ISG20: variants seen among roughly 807,000 people sequenced by gnomAD.
The protein encoded by ISG20 is interferon stimulated exonuclease gene 20.
Under a neutral mutation model 11.1 loss-of-function variants are expected in ISG20, and 8 were observed. The observed-to-expected ratio is 0.72, with a 90% CI of 0.42 to 1.30. The LOEUF (loss-of-function observed/expected upper bound fraction) is 1.30, where lower values mean the gene tolerates loss of function less well. Ranked by LOEUF, ISG20 falls within the 50% of genes most tolerant of loss-of-function variation. The probability of loss-of-function intolerance (pLI) is 0.01; values close to 1 mark genes in which losing one functional copy is unlikely to be tolerated. For synonymous variants in ISG20, 110 were observed against 101.7 expected, an observed-to-expected ratio of 1.08 and a Z score of -0.49; for missense variants, 243 against 250.2, an observed-to-expected ratio of 0.97 and a Z score of 0.19.
chr15:88,636,639 A>G (rs966583471), upstream of ISG20, among the ~76,000 whole-genome samples: 3 of 152,158 alleles, frequency 2.0e-5, no homozygotes, highest in South Asian at 2.1e-4. Flanking sequence ...CCTGGGTGCA[A>G]TTGATCCTCC....
Position 88,655,601 on chromosome 15 carries a change from T to G in ISG20, c.*70T>G. ...TTTGGGACAGCAACTACCTTGCTTT[T>G]GGAAAATACATTTTTAATAGTAAAG... On this transcript the variant is annotated 3_prime_UTR_variant, in exon 4 of 4. Transcript: ENST00000306072. 2 of 1,060,470 alleles carry G rather than the reference T, an allele frequency of 1.9e-6. No individual in the cohort carries two copies. The highest frequency in any genetic ancestry group is 2.8e-6 in the Non-Finnish European group (2 of 710,476). 65.7% of individuals were successfully genotyped at this position (1,060,470 alleles called of 1,614,324 possible).
At chr15:88,646,285 C>A (rs1336339289) in intron 2 of ISG20, among the ~76,000 whole-genome samples, 2 of 152,206 alleles carry the variant, frequency 1.3e-5, no homozygotes, top group East Asian at 3.9e-4. Flanking sequence ...CTCCCCACCA[C>A]AACCCTGAAC....
At position 88,651,688 on chromosome 15, in the gene ISG20, C is replaced by T. The variant is rs559639164; in HGVS notation, c.229-422C>T. 1.9e-4 allele frequency: 140 copies of T among 729,530 alleles called. 1 individual carries two copies. The African/African-American group carries it at 2.2e-3, about 11-fold the overall frequency. The allele number at this position is 729,530 out of a possible 1,614,324, so 45.2% of individuals were successfully genotyped here. On this transcript the variant is annotated intron_variant, in intron 2 of 3. Transcript: ENST00000306072. Reference sequence around the variant, plus strand: ...TAAGTTCTGCCCGGAACTTTAATTCCTCTTTGCCAGGTAATGCATTCACAG... The same window carrying T: ...TAAGTTCTGCCCGGAACTTTAATTCTTCTTTGCCAGGTAATGCATTCACAG...
chr15:88,650,219 T>A lies in ISG20; in HGVS notation c.229-1891T>A. The A allele has an allele frequency of 6.5e-7, 1 of 1,533,452 alleles. No homozygotes were observed. The highest frequency in any genetic ancestry group is 8.7e-7 in the Non-Finnish European group (1 of 1,144,912). The allele number at this position is 1,533,452 out of a possible 1,614,324, so 95.0% of individuals were successfully genotyped here. A position where few individuals can be genotyped will look rare whatever the true frequency, so the allele number is the denominator to read the frequency against. On this transcript the variant is annotated intron_variant, in intron 2 of 3. Transcript: ENST00000306072. This position sits in a 1 kb window ranked among gnomAD's most constrained non-coding sequence, Gnocchi z 4.0. ...GCCCCTTTCCCTAATAGAGCTCACA[T>A]CTGTTCTATTTTCAGGTCCCCTTCC...
rs564516107 is a variant in ISG20 at position 88,652,102 on chromosome 15, C to T, written c.229-8C>T. On this transcript the variant is annotated splice_region_variant and splice_polypyrimidine_tract_variant and intron_variant, in intron 2 of 3. Transcript: ENST00000306072. ...CATGTAGGGGTGGGCACATGTCTTCCTGGCCAGATCCTGCAGCTCCTGAAA... is the reference window on the plus strand; with the variant it reads ...CATGTAGGGGTGGGCACATGTCTTCTTGGCCAGATCCTGCAGCTCCTGAAA... 16 of 1,613,980 alleles carry T rather than the reference C, an allele frequency of 9.9e-6. No individual in the cohort carries two copies. The Admixed American group carries it at 2.3e-4, about 24-fold the overall frequency.
chr15:88,644,575 G>A (rs954795678), intron 2 of ISG20, among the ~76,000 whole-genome samples: 1 of 151,348 alleles, frequency 6.6e-6, no homozygotes, highest in African/African-American at 2.4e-5. Flanking sequence ...AAGAGTCAGA[G>A]GCCCTAGGGA....
upstream of ISG20, among the ~76,000 whole-genome samples, chr15:88,638,184 G>C (rs8039462): frequency 0.51 from 77,341 of 151,766 alleles, 20,162 homozygotes; most frequent in African/African-American, 0.55. Context: ...TAGGAGGCAA[G>C]CGTGGGTAAC....
In ISG20 at chr15:88,643,747, A is replaced by G. The variant is rs978482806; in HGVS notation, c.228+4153A>G. On this transcript the variant is annotated intron_variant, in intron 2 of 3. Transcript: ENST00000306072. This position sits in a 1 kb window ranked among gnomAD's most constrained non-coding sequence, Gnocchi z 4.4. ...CATCTGTGGCTTGCATTATATTTCT[A>G]TTGGACAACACTGTTCTAGAAGTAC... 1.3e-5 allele frequency among the ~76,000 whole-genome samples: 2 copies of G among 152,178 alleles called. No individual in the cohort carries two copies. Among genetic ancestry groups the G allele is most frequent in the East Asian group, 1.9e-4 (1 of 5,198 alleles).
At position 88,639,074 on chromosome 15, in the gene ISG20, C is replaced by A; in HGVS notation, c.-27C>A. On this transcript the variant is annotated splice_region_variant and 5_prime_UTR_variant, in exon 1 of 4. Transcript: ENST00000306072. This position sits in a 1 kb window ranked among gnomAD's most constrained non-coding sequence, Gnocchi z 4.2. Reference sequence around the variant, plus strand: ...CGTGAGCTGAGGGCGCAGAGGCAGGCAGGTGAGAGCGGGAGCTGGAGCAGC... The same window carrying A: ...CGTGAGCTGAGGGCGCAGAGGCAGGAAGGTGAGAGCGGGAGCTGGAGCAGC... The A allele has an allele frequency of 1.9e-6, 1 of 516,730 alleles. No homozygotes were observed. The highest frequency in any genetic ancestry group is 1.9e-5 in the African/African-American group (1 of 52,542). 32.0% of individuals were successfully genotyped at this position (516,730 alleles called of 1,614,324 possible).
chr15:88,639,588 G>C lies in ISG20; in HGVS notation c.222G>C (p.Arg74Ser), dbSNP rs543446472. The C allele has an allele frequency of 1.2e-5, 19 of 1,613,812 alleles. No individual in the cohort carries two copies. The Middle Eastern group carries it at 4.9e-4, about 42-fold the overall frequency. ...GGGCCACACCATTTGCCGTGGCCAGGCTAGAGGTGAGTGAAGGCCCGGCCA... is the reference window on the plus strand; with the variant it reads ...GGGCCACACCATTTGCCGTGGCCAGCCTAGAGGTGAGTGAAGGCCCGGCCA... ...MVGATPFAVA[R>S]LEILQLLKGK... The change falls in exon 2 of 4, where the codon AGG (arginine) becomes AGC (serine). Residue 74 changes from arginine (R) to serine (S), a missense_variant. Transcript: ENST00000306072. The surrounding 1 kb of genome is among the most constrained non-coding windows in gnomAD (Gnocchi z 4.2).
chr15:88,638,990 G>C (rs1465663471), upstream of ISG20: 3 of 288,192 alleles, frequency 1.0e-5, no homozygotes, highest in Non-Finnish European at 2.0e-5. Context: ...CTTGGAGTTA[G>C]AGATGAGTCA....
rs1017593700 is a variant in ISG20 at position 88,639,327 on chromosome 15, A to C, written c.-24-16A>C. 1.2e-5 allele frequency: 18 copies of C among 1,517,230 alleles called. No individual in the cohort carries two copies. The highest frequency in any genetic ancestry group is 1.6e-5 in the Non-Finnish European group (18 of 1,110,550). The allele number at this position is 1,517,230 out of a possible 1,614,324, so 94.0% of individuals were successfully genotyped here. On this transcript the variant is annotated splice_polypyrimidine_tract_variant and intron_variant, in intron 1 of 3. Transcript: ENST00000306072. The surrounding 1 kb of genome is among the most constrained non-coding windows in gnomAD (Gnocchi z 4.2). ...TTGCCCAAGCGTGAGACCGCCCCCC[A>C]TACCCCTCTCTCCAGCATCTCTGAG...
At chr15:88,644,066 C>T (rs949857824) in intron 2 of ISG20, among the ~76,000 whole-genome samples, 24 of 152,038 alleles carry the variant, frequency 1.6e-4, no homozygotes, top group African/African-American at 5.1e-4. Context: ...GGAAAGACTC[C>T]GTGAAGCTGG....
Position 88,650,732 on chromosome 15 carries a change from T to C in ISG20, c.229-1378T>C, listed in dbSNP as rs2058259420. On this transcript the variant is annotated intron_variant, in intron 2 of 3. Coordinates refer to ENST00000306072, the MANE Select transcript of ISG20 (RefSeq NM_002201.6). The surrounding 1 kb of genome is among the most constrained non-coding windows in gnomAD (Gnocchi z 4.0). ...TCACTATCTCGGTGGCTTTTCCCCG[T>C]GGTCTTTCCAGCATGGTGGCTTTGG... is the stretch of plus-strand genomic sequence containing the variant. The C allele has an allele frequency of 5.7e-6, 1 of 175,444 alleles. No individual in the cohort carries two copies. Among genetic ancestry groups the C allele is most frequent in the African/African-American group, 2.4e-5 (1 of 41,650 alleles). The allele number at this position is 175,444 out of a possible 1,614,324, so 10.9% of individuals were successfully genotyped here.
intron 3 of ISG20, 77 bp downstream of exon 3, chr15:88,652,387 T>G: frequency 3.9e-6 from 1 of 255,578 alleles, no homozygotes; most frequent in Non-Finnish European, 7.3e-6. Context: ...CTCCATTTCC[T>G]CCCCCTCCTC....
intron 2 of ISG20, chr15:88,649,959 A>T (rs1051611760): frequency 8.7e-6 from 4 of 460,590 alleles, no homozygotes; most frequent in Non-Finnish European, 1.6e-5. Flanking sequence ...GGCAAGTCAC[A>T]TCTCCTCTCT....
chr15:88,651,954 C>T, intron 2 of ISG20, 156 bp from the exon 3 acceptor site: 1 of 1,453,326 alleles, frequency 6.9e-7, no homozygotes, highest in Non-Finnish European at 9.1e-7. Flanking sequence ...AGTGCAATCT[C>T]TTCTTTTCAA....
Position 88,639,445 on chromosome 15 carries a change from C to G in ISG20, c.79C>G (p.Arg27Gly), listed in dbSNP as rs752810937. The G allele has an allele frequency of 7.4e-6, 12 of 1,614,018 alleles. No individual in the cohort carries two copies. Among genetic ancestry groups the G allele is most frequent in the Non-Finnish European group, 1.0e-5 (12 of 1,180,008 alleles). The part of the protein sequence containing the change: ...LGPHRESGLA[R>G]CSLVNVHGAV... ...GCCCCACCGGGAGAGTGGCCTGGCT[C>G]GTTGCAGCCTCGTGAACGTCCACGG... The change falls in exon 2 of 4, where the codon CGT becomes GGT. Residue 27 changes from arginine (R) to glycine (G), a missense_variant. By Grantham distance (125) the Arg-to-Gly change is moderately radical. Coordinates refer to ENST00000306072, the MANE Select transcript of ISG20 (RefSeq NM_002201.6). This position sits in a 1 kb window ranked among gnomAD's most constrained non-coding sequence, Gnocchi z 4.2.
At chr15:88,644,762 C>G (rs2058142564) in intron 2 of ISG20, among the ~76,000 whole-genome samples, 1 of 152,144 alleles carries the variant, frequency 6.6e-6, no homozygotes, top group Admixed American at 6.5e-5. Flanking sequence ...AGCTCCCCGC[C>G]CTCAGATTCC....
Sources: gnomAD v4.1 joint callset for allele counts (sites outside exome capture counted in the v4.1 genomes callset) on GRCh38, gnomAD v4.1.1 for gene constraint, Gnocchi (gnomAD v3.1) non-coding constraint, MANE v1.5 for transcripts, NCBI Gene and HGNC (gene_info 2026-07-23, HGNC 2026-07-21) for gene names.